RIPOR3: variants seen among roughly 807,000 people sequenced by gnomAD.
RIPOR3 encodes RIPOR family member 3, also known as family with sequence similarity 65 member C.
In RIPOR3, 95 loss-of-function variants were observed where a neutral mutation model predicts 114.3. The ratio of observed to expected loss-of-function variants is 0.83; its 90% confidence interval spans 0.70 to 0.99. The LOEUF (loss-of-function observed/expected upper bound fraction) is 0.99. Among genes scored for constraint, RIPOR3 ranks in the 50% least tolerant of loss-of-function variants. The pLI is 0.00. For synonymous variants in RIPOR3, 575 were observed against 543.8 expected, an observed-to-expected ratio of 1.06 and a Z score of -0.80; for missense variants, 1,252 against 1,266.9, an observed-to-expected ratio of 0.99 and a Z score of 0.18.
rs6096033 is a variant in RIPOR3 at position 50,622,675 on chromosome 20, C to A, written c.123-2543G>T. On this transcript the variant is annotated intron_variant, in intron 2 of 21. Transcript: ENST00000327979. ...AACACACACACATGCCCTCATCCAC[C>A]CCTTGGCTCTGGACTGCAGAGAGAG... 9.9e-3 allele frequency among the ~76,000 whole-genome samples: 1,494 copies of A among 151,532 alleles called. 21 individuals carry two copies. The highest frequency in any genetic ancestry group is 0.035 in the African/African-American group (1,426 of 40,926).
At position 50,597,669 on chromosome 20, in the gene RIPOR3, C is replaced by A; in HGVS notation, c.1701G>T (p.Leu567=). The A allele has an allele frequency of 6.2e-7, 1 of 1,612,270 alleles. No individual in the cohort carries two copies. Among genetic ancestry groups the A allele is most frequent in the Non-Finnish European group, 8.5e-7 (1 of 1,179,246 alleles). ...ARQEHTSAES[L]MECILESFAF... is the part of the protein sequence containing the mutation. ...CGAAGCTCTCCAGGATGCACTCCATCAGGCTCTCGGCCGAGGTGTGCTCCT... is the reference window on the plus strand; with the variant it reads ...CGAAGCTCTCCAGGATGCACTCCATAAGGCTCTCGGCCGAGGTGTGCTCCT... Residue 567 remains leucine, a synonymous_variant, in exon 14 of 22, where the codon CTG becomes CTT. Coordinates refer to ENST00000327979, the MANE Select transcript of RIPOR3 (RefSeq NM_001290268.2).
At chr20:50,606,032 C>T (rs2083700792) in intron 11 of RIPOR3, among the ~76,000 whole-genome samples, 2 of 152,194 alleles carry the variant, frequency 1.3e-5, no homozygotes, top group South Asian at 4.1e-4. Context: ...GGCGAAACCC[C>T]ATCTCTCCTA....
rs2082943886 is a variant in RIPOR3 at position 50,587,126 on chromosome 20, A to G, written c.*106T>C. 2.4e-6 allele frequency: 2 copies of G among 841,030 alleles called. No individual in the cohort carries two copies. Among genetic ancestry groups the G allele is most frequent in the East Asian group, 2.6e-5 (1 of 38,208 alleles). 52.1% of individuals were successfully genotyped at this position (841,030 alleles called of 1,614,324 possible). ...TCAGGTAGAGCTCTGGGCAGCTCAC[A>G]CTCCTGGAGGAGTGCACAGCACCAT... On this transcript the variant is annotated 3_prime_UTR_variant, in exon 22 of 22. Coordinates refer to ENST00000327979, the MANE Select transcript of RIPOR3 (RefSeq NM_001290268.2).
chr20:50,647,852 A>C (rs984714376), intron 1 of RIPOR3, among the ~76,000 whole-genome samples: 1 of 152,008 alleles, frequency 6.6e-6, no homozygotes, highest in African/African-American at 2.4e-5. Flanking sequence ...TCATCTATAC[A>C]TTGGAAGCCA....
intron 1 of RIPOR3, among the ~76,000 whole-genome samples, chr20:50,641,412 T>G (rs1229024278): frequency 1.3e-5 from 2 of 152,162 alleles, no homozygotes; most frequent in African/African-American, 4.8e-5. Context: ...AGACAGGGTC[T>G]CTCTATGTGG....
At chr20:50,678,630 C>T (rs937161819) in intron 1 of RIPOR3, among the ~76,000 whole-genome samples, 2 of 152,160 alleles carry the variant, frequency 1.3e-5, no homozygotes, top group African/African-American at 2.4e-5. Context: ...CGTCCATCAT[C>T]AGGGGACTGG....
At chr20:50,659,089 G>A (rs1426044071) in intron 1 of RIPOR3, among the ~76,000 whole-genome samples, 1 of 152,098 alleles carries the variant, frequency 6.6e-6, no homozygotes, top group Non-Finnish European at 1.5e-5. Context: ...GATTAGTGAC[G>A]TGGATACATT....
At chr20:50,595,940 G>C (rs1053799881) in intron 15 of RIPOR3, among the ~76,000 whole-genome samples, 200 bp downstream of exon 15, 2 of 152,166 alleles carry the variant, frequency 1.3e-5, no homozygotes, top group Non-Finnish European at 2.9e-5. Context: ...TTAGGGCTTG[G>C]CCTGTGTAAG....
intron 4 of RIPOR3, among the ~76,000 whole-genome samples, chr20:50,612,684 G>C (rs1261966739): frequency 6.6e-6 from 1 of 152,128 alleles, no homozygotes; most frequent in Non-Finnish European, 1.5e-5. Context: ...AAACGGGATG[G>C]GACACGGAAG....
intron 1 of RIPOR3, among the ~76,000 whole-genome samples, chr20:50,671,877 G>T (rs1396844883): frequency 6.7e-6 from 1 of 149,328 alleles, no homozygotes; most frequent in Non-Finnish European, 1.5e-5. Context: ...TGGGTAAATT[G>T]GTGGATGGAT....
At chr20:50,644,053 A>T (rs1409642307) in intron 1 of RIPOR3, among the ~76,000 whole-genome samples, 1 of 151,578 alleles carries the variant, frequency 6.6e-6, no homozygotes, top group Non-Finnish European at 1.5e-5. Flanking sequence ...CCAGGAGTTC[A>T]AGGCTGCAGT....
intron 1 of RIPOR3, among the ~76,000 whole-genome samples, chr20:50,657,430 G>A (rs2085849039): frequency 6.6e-6 from 1 of 152,188 alleles, no homozygotes; most frequent in African/African-American, 2.4e-5. Flanking sequence ...GGGAGGCTGA[G>A]GCAGGAGAAT....
chr20:50,671,428 GCACACACACACACA>G (rs1160861232), intron 1 of RIPOR3, among the ~76,000 whole-genome samples: 1 of 38,158 alleles, frequency 2.6e-5, no homozygotes, highest in Admixed American at 3.9e-4. Context: ...ACGCGCGCGC[GCACACACACACACA>G]CACACACACA....
At chr20:50,626,939 G>A (rs187270292) in intron 2 of RIPOR3, among the ~76,000 whole-genome samples, 94 of 151,474 alleles carry the variant, frequency 6.2e-4, no homozygotes, top group Middle Eastern at 6.8e-3. Context: ...ACTTGAACCC[G>A]GCAAGTGGAG....
chr20:50,648,120 A>G (rs1251359936), intron 1 of RIPOR3, among the ~76,000 whole-genome samples: 1 of 151,796 alleles, frequency 6.6e-6, no homozygotes, highest in Non-Finnish European at 1.5e-5. Flanking sequence ...TACTAAAAAT[A>G]TAAAAATTAG....
In RIPOR3 at chr20:50,636,911, G is replaced by A. The variant is rs186046530; in HGVS notation, c.4-6055C>T. 368 of 985,392 alleles carry A rather than the reference G, an allele frequency of 3.7e-4. 1 individual carries two copies. Among genetic ancestry groups the A allele is most frequent in the South Asian group, 1.3e-3 (27 of 21,284 alleles). The allele number at this position is 985,392 out of a possible 1,614,324, so 61.0% of individuals were successfully genotyped here. On this transcript the variant is annotated intron_variant, in intron 1 of 21. Coordinates refer to ENST00000327979, the MANE Select transcript of RIPOR3 (RefSeq NM_001290268.2). ...CGTTATGGGCTTTTGGGGCTGGGTG[G>A]CTTTTATGCCTGAGTCCCTCACTTA...
At chr20:50,638,476 G>A (rs2085068735) in intron 1 of RIPOR3, among the ~76,000 whole-genome samples, 1 of 152,198 alleles carries the variant, frequency 6.6e-6, no homozygotes, top group Non-Finnish European at 1.5e-5. Context: ...ATTATCCAGA[G>A]GGCATTTTAA....
intron 2 of RIPOR3, among the ~76,000 whole-genome samples, chr20:50,628,647 C>T (rs2084710851): frequency 1.3e-5 from 2 of 152,160 alleles, no homozygotes; most frequent in African/African-American, 4.8e-5. Context: ...CTGCCACCAG[C>T]TGGATCTGTC....
chr20:50,675,150 C>T (rs1418657358), intron 1 of RIPOR3, among the ~76,000 whole-genome samples: 2 of 152,032 alleles, frequency 1.3e-5, no homozygotes, highest in African/African-American at 4.8e-5. Context: ...AACAAGGATC[C>T]CTGACCACCA....
Sources: allele counts gnomAD v4.1 joint callset (sites outside exome capture counted in the v4.1 genomes callset), GRCh38; gene constraint gnomAD v4.1.1; transcripts MANE v1.5; gene names NCBI Gene and HGNC (gene_info 2026-07-23, HGNC 2026-07-21).